Variants in NR4A1 observed in about 807,000 individuals in gnomAD.
The protein encoded by NR4A1 is nuclear receptor subfamily 4immunitygroup A member 1.
Under a neutral mutation model 47.5 loss-of-function variants are expected in NR4A1, and 24 were observed. The ratio of observed to expected loss-of-function variants is 0.50; its 90% CI spans 0.37 to 0.71. The LOEUF is 0.71. Among genes scored for constraint, NR4A1 ranks in the 30% least tolerant of loss-of-function variants. The pLI is 0.00. For synonymous variants in NR4A1, 353 were observed against 345.7 expected (o/e 1.02, Z -0.24); for missense variants, 669 against 788.6 (o/e 0.85, Z 1.82).
At chr12:52,041,555 A>G (rs952376884) in intron 1 of NR4A1, among the ~76,000 whole-genome samples, 5 of 152,278 alleles carry the variant, frequency 3.3e-5, no homozygotes, top group Middle Eastern at 3.4e-3. Flanking sequence ...TGATGTGTCT[A>G]TATGGCTCTG....
intron 6 of NR4A1, among the ~76,000 whole-genome samples, chr12:52,057,847 G>C (rs2076778469): frequency 6.6e-6 from 1 of 152,182 alleles, no homozygotes; most frequent in Admixed American, 6.5e-5. Context: ...ATATAGAAAA[G>C]TACACAAATG....
chr12:52,055,053 G>T lies in NR4A1; in HGVS notation c.725G>T (p.Gly242Val). The T allele has an allele frequency of 6.2e-7, 1 of 1,614,262 alleles. No individual in the cohort carries two copies. The highest frequency in any genetic ancestry group is 1.3e-5 in the African/African-American group (1 of 75,074). The change falls in exon 2 of 7, where the codon GGC becomes GTC. Residue 242 changes from glycine (G) to valine (V), a missense_variant. Transcript: ENST00000394825. ...GLAPTSPHLE[G>V]SGILDTPVTS... ...GCACCCACTTCTCCACACCTTGAGG[G>T]CTCGGGGATACTGGATACACCCGTG...
At chr12:52,050,871 C>CCAGCAGCGG, upstream of NR4A1, among the ~76,000 whole-genome samples, 1 of 152,174 alleles carries the variant, frequency 6.6e-6, no homozygotes, top group Non-Finnish European at 1.5e-5. Context: ...TCCTGACCGC[C>CCAGCAGCGG]CAGCAGCGGC....
chr12:52,046,028 T>C (rs573032761), intron 2 of NR4A1, among the ~76,000 whole-genome samples: 13 of 152,292 alleles, frequency 8.5e-5, no homozygotes, highest in Admixed American at 7.2e-4. Context: ...ACTTCTGAGC[T>C]GGAGAAGGCA....
intron 2 of NR4A1, among the ~76,000 whole-genome samples, chr12:52,044,558 A>AT (rs1337539720): frequency 6.6e-6 from 1 of 152,278 alleles, no homozygotes; most frequent in East Asian, 1.9e-4. Flanking sequence ...TCAAAAAAAA[A>AT]TTTTCCCCTT....
chr12:52,042,109 T>G (rs1027863343), intron 2 of NR4A1, among the ~76,000 whole-genome samples: 2 of 151,890 alleles, frequency 1.3e-5, no homozygotes, highest in Admixed American at 6.6e-5. Context: ...GTTGGGGTAG[T>G]GTGAGTGTGG....
At chr12:52,048,113 C>G (rs1178673173), upstream of NR4A1, among the ~76,000 whole-genome samples, 1 of 151,378 alleles carries the variant, frequency 6.6e-6, no homozygotes, top group South Asian at 2.1e-4. Flanking sequence ...GAGATCGCAC[C>G]ACTTCACTCT....
intron 1 of NR4A1, among the ~76,000 whole-genome samples, chr12:52,026,220 G>C (rs1205575450): frequency 6.6e-6 from 1 of 152,230 alleles, no homozygotes; most frequent in Non-Finnish European, 1.5e-5. Context: ...TGTAAACATG[G>C]GACAAATATA....
At chr12:52,031,880 T>C (rs559027748) in intron 1 of NR4A1, among the ~76,000 whole-genome samples, 1 of 151,002 alleles carries the variant, frequency 6.6e-6, no homozygotes, top group East Asian at 2.0e-4. Flanking sequence ...CACTGCAATT[T>C]CCGTCTCCTG....
At chr12:52,044,860 A>G (rs1938573299) in intron 2 of NR4A1, among the ~76,000 whole-genome samples, 1 of 152,036 alleles carries the variant, frequency 6.6e-6, no homozygotes. Flanking sequence ...GCGTGGGGCA[A>G]CCTTTCCCAA....
intron 1 of NR4A1, among the ~76,000 whole-genome samples, chr12:52,039,947 C>T (rs1938374197): frequency 6.6e-6 from 1 of 152,168 alleles, no homozygotes. Flanking sequence ...TAGTGAGTGG[C>T]TGGGAAATGA....
At chr12:52,028,178 G>A (rs1479683671) in intron 1 of NR4A1, among the ~76,000 whole-genome samples, 2 of 137,830 alleles carry the variant, frequency 1.5e-5, no homozygotes, top group Non-Finnish European at 3.0e-5. Context: ...CTCCAGTCTG[G>A]GTGACAAAGT....
rs765172012 is a variant in NR4A1 at position 52,054,952 on chromosome 12, G to A, written c.624G>A (p.Lys208=). 6.2e-6 allele frequency: 10 copies of A among 1,614,216 alleles called. No individual in the cohort carries two copies. The Admixed American group carries it at 1.7e-4, about 27-fold the overall frequency. Residue 208 remains lysine (K), a synonymous_variant, in exon 2 of 7, where the codon AAG becomes AAA. Coordinates refer to ENST00000394825, the MANE Select transcript of NR4A1 (RefSeq NM_173157.3). ...PSPSLAQSPL[K]LFPSQATHQL... Reference sequence around the variant, plus strand: ...CCAGCCTGGCCCAGAGCCCCCTGAAGTTGTTCCCCTCACAGGCCACCCACC... The same window carrying A: ...CCAGCCTGGCCCAGAGCCCCCTGAAATTGTTCCCCTCACAGGCCACCCACC...
chr12:52,054,625 C>G lies in NR4A1; in HGVS notation c.297C>G (p.Ala99=), dbSNP rs61751612. The G allele has an allele frequency of 1.2e-6, 2 of 1,614,228 alleles. No individual in the cohort carries two copies. The highest frequency in any genetic ancestry group is 1.7e-6 in the Non-Finnish European group (2 of 1,180,040). Residue 99 remains alanine, a synonymous_variant, in exon 2 of 7, where the codon GCC becomes GCG. Coordinates refer to ENST00000394825, the MANE Select transcript of NR4A1 (RefSeq NM_173157.3). The stretch of plus-strand genomic sequence containing the variant: ...CCTCAGCCACCTCCCCTGCCTCTGC[C>G]TCCTTCAAGTTCGAGGACTTCCAGG... The part of the protein sequence containing the change: ...SSSSATSPAS[A]SFKFEDFQVY...
In NR4A1 at chr12:52,054,908, C is replaced by G; in HGVS notation, c.580C>G (p.Pro194Ala). Reference sequence around the variant, plus strand: ...GCCTCCAGCCTTCTTTTCCTTCAGTCCTCCCACCGGCCCCAGCCCCAGCCT... The same window carrying G: ...GCCTCCAGCCTTCTTTTCCTTCAGTGCTCCCACCGGCCCCAGCCCCAGCCT... ...PQPPAFFSFSPPTGPSPSLAQ... is the reference protein window; with the variant it reads ...PQPPAFFSFSAPTGPSPSLAQ... Residue 194 changes from proline to alanine, a missense_variant, in exon 2 of 7, where the codon CCT becomes GCT. Transcript: ENST00000394825. 1 of 1,614,140 alleles carries G rather than the reference C, an allele frequency of 6.2e-7. No homozygotes were observed. The highest frequency in any genetic ancestry group is 1.1e-5 in the South Asian group (1 of 91,084).
chr12:52,034,303 C>T (rs1592282296), intron 1 of NR4A1, among the ~76,000 whole-genome samples: 1 of 152,344 alleles, frequency 6.6e-6, no homozygotes, highest in South Asian at 2.1e-4. Flanking sequence ...GAGGCCACTT[C>T]TTGGATGTCC....
chr12:52,054,990 G>A lies in NR4A1; in HGVS notation c.662G>A (p.Gly221Glu), dbSNP rs2120484195. 3.7e-6 allele frequency: 6 copies of A among 1,614,208 alleles called. No homozygotes were observed. The highest frequency in any genetic ancestry group is 4.5e-5 in the East Asian group (2 of 44,884). ...PSQATHQLGE[G>E]ESYSMPTAFP... ...CAGGCCACCCACCAGCTGGGGGAGG[G>A]AGAGAGCTATTCCATGCCTACGGCC... Residue 221 changes from glycine (G) to glutamate (E), a missense_variant, in exon 2 of 7, where the codon GGA becomes GAA. Transcript: ENST00000394825.
intron 1 of NR4A1, among the ~76,000 whole-genome samples, chr12:52,034,758 C>A (rs1938201754): frequency 6.6e-6 from 1 of 152,160 alleles, no homozygotes; most frequent in Non-Finnish European, 1.5e-5. Flanking sequence ...TCTGTGCAGC[C>A]CCCACGGCCC....
intron 1 of NR4A1, among the ~76,000 whole-genome samples, chr12:52,031,652 A>G (rs551805059): frequency 2.0e-5 from 3 of 152,060 alleles, no homozygotes; most frequent in South Asian, 2.1e-4. Context: ...AAACAAACAA[A>G]CAAATAAAAA....
Sources: gnomAD v4.1 joint callset for allele counts (sites outside exome capture counted in the v4.1 genomes callset) on GRCh38, gnomAD v4.1.1 for gene constraint, MANE v1.5 for transcripts, NCBI Gene and HGNC (gene_info 2026-07-23, HGNC 2026-07-21) for gene names.